MAP4K3: variants seen among roughly 807,000 people sequenced by gnomAD.
MAP4K3 encodes the protein mitogen-activated protein kinase kinase kinase kinase 3.
Under a neutral mutation model 143.5 loss-of-function variants are expected in MAP4K3, and 94 were observed. The observed-to-expected ratio is 0.65, with a 90% CI of 0.55 to 0.78. The LOEUF is 0.78. Ranked by LOEUF, MAP4K3 falls within the 30% of genes least tolerant of loss-of-function variation. The pLI, the probability that MAP4K3 is intolerant of heterozygous loss-of-function variation, is 0.00. For missense variants in MAP4K3, 1,077 were observed against 1,068.1 expected (o/e 1.01, Z -0.12); for synonymous variants, 416 against 347.2 (o/e 1.20, Z -2.20).
intron 12 of MAP4K3, among the ~76,000 whole-genome samples, chr2:39,316,594 TGC>T (rs1683119714): frequency 6.6e-6 from 1 of 152,130 alleles, no homozygotes; most frequent in Non-Finnish European, 1.5e-5. Context: ...AGAAAGGGAT[TGC>T]CACAAGATTT....
chr2:39,318,887 A>G (rs905051304), intron 12 of MAP4K3, among the ~76,000 whole-genome samples: 10 of 152,158 alleles, frequency 6.6e-5, no homozygotes, highest in Admixed American at 6.5e-4. Context: ...AAGGAAAGAC[A>G]TAGACAGTAT....
intron 12 of MAP4K3, among the ~76,000 whole-genome samples, chr2:39,324,048 T>C (rs112858828): frequency 0.037 from 5,629 of 152,268 alleles, 120 homozygotes; most frequent in Non-Finnish European, 0.048. Flanking sequence ...GCCTGTATAC[T>C]AAATAAGACT....
intron 15 of MAP4K3, among the ~76,000 whole-genome samples, chr2:39,304,942 G>T (rs1682646637): frequency 6.6e-6 from 1 of 152,210 alleles, no homozygotes; most frequent in Admixed American, 6.5e-5. Context: ...ATTATGCTAA[G>T]TAGTGAGCCA....
intron 1 of MAP4K3, among the ~76,000 whole-genome samples, chr2:39,427,611 T>C (rs992362573): frequency 1.3e-5 from 2 of 152,170 alleles, no homozygotes; most frequent in Non-Finnish European, 2.9e-5. Context: ...AAAGATCAGT[T>C]AACTTCAGAC....
intron 3 of MAP4K3, among the ~76,000 whole-genome samples, chr2:39,352,045 A>T (rs1198088458): frequency 1.3e-5 from 2 of 152,220 alleles, no homozygotes; most frequent in African/African-American, 4.8e-5. Context: ...TTGTTTAAGG[A>T]GCATTTGTTG....
In MAP4K3 at chr2:39,319,833, T is replaced by C. The variant is rs528988884; in HGVS notation, c.919-4445A>G. On this transcript the variant is annotated intron_variant, in intron 12 of 33. Coordinates refer to ENST00000263881, the MANE Select transcript of MAP4K3 (RefSeq NM_003618.4). ...TTGATTGCATTCATTTTTACATGAA[T>C]CTTAAGGCTAAAGACCATATTTTAC... Among the ~76,000 whole-genome samples, 3 of 152,304 alleles carry C rather than the reference T, an allele frequency of 2.0e-5. No homozygotes were observed. The South Asian group carries it at 6.2e-4, about 32-fold the overall frequency.
At chr2:39,288,375 T>C (rs1681888869) in intron 19 of MAP4K3, 95 bp from the exon 20 acceptor site, 3 of 1,075,376 alleles carry the variant, frequency 2.8e-6, no homozygotes. Context: ...AAATTATTTC[T>C]ACTATACATT....
chr2:39,413,605 G>C (rs1345000568), intron 1 of MAP4K3, among the ~76,000 whole-genome samples: 2 of 152,128 alleles, frequency 1.3e-5, no homozygotes, highest in Non-Finnish European at 2.9e-5. Flanking sequence ...TAAAAAGGTA[G>C]AGGTGCAGAG....
intron 15 of MAP4K3, among the ~76,000 whole-genome samples, chr2:39,302,506 A>G (rs1328536435): frequency 6.6e-6 from 1 of 152,254 alleles, no homozygotes; most frequent in Non-Finnish European, 1.5e-5. Flanking sequence ...GGGCAAAGTT[A>G]GTAGTTCATT....
At chr2:39,301,980 C>T (rs1018288215) in intron 15 of MAP4K3, among the ~76,000 whole-genome samples, 10 of 151,456 alleles carry the variant, frequency 6.6e-5, no homozygotes, top group Non-Finnish European at 1.2e-4. Flanking sequence ...GCCAACATTG[C>T]GCCACTACAC....
intron 20 of MAP4K3, 28 bp from the exon 21 acceptor site, chr2:39,286,992 G>T: frequency 7.0e-7 from 1 of 1,423,624 alleles, no homozygotes. Context: ...CATTGAAAAT[G>T]ATTAATCTTC....
intron 27 of MAP4K3, among the ~76,000 whole-genome samples, chr2:39,265,657 G>C (rs1426369989): frequency 6.6e-6 from 1 of 152,188 alleles, no homozygotes; most frequent in Non-Finnish European, 1.5e-5. Flanking sequence ...TTGGGAAGAA[G>C]TTGTCAGACT....
intron 31 of MAP4K3, among the ~76,000 whole-genome samples, 170 bp from the exon 32 acceptor site, chr2:39,254,690 G>C (rs1317877036): frequency 6.6e-6 from 1 of 151,974 alleles, no homozygotes; most frequent in African/African-American, 2.4e-5. Context: ...ATACTATACA[G>C]AGCTTATGCA....
chr2:39,297,275 G>C (rs1005669505), intron 16 of MAP4K3, among the ~76,000 whole-genome samples: 2 of 151,896 alleles, frequency 1.3e-5, no homozygotes, highest in Non-Finnish European at 2.9e-5. Flanking sequence ...GTGCCACCAT[G>C]TCCAGCTAAT....
Position 39,292,837 on chromosome 2 carries a change from A to C in MAP4K3, c.1218-11T>G. 6.2e-7 allele frequency: 1 copy of C among 1,607,408 alleles called. No individual in the cohort carries two copies. The highest frequency in any genetic ancestry group is 8.5e-7 in the Non-Finnish European group (1 of 1,174,354). ...TGTGCGACGTGTCCTCTAAATAAAA[A>C]GGATAATGTCATTGTTATTAAATGG... On this transcript the variant is annotated splice_polypyrimidine_tract_variant and intron_variant, in intron 17 of 33. Coordinates refer to ENST00000263881, the MANE Select transcript of MAP4K3 (RefSeq NM_003618.4).
chr2:39,424,384 T>C (rs1382070095), intron 1 of MAP4K3, among the ~76,000 whole-genome samples: 1 of 152,178 alleles, frequency 6.6e-6, no homozygotes, highest in African/African-American at 2.4e-5. Context: ...AGTGGATCTC[T>C]GCAATCTAGG....
chr2:39,253,084 G>A (rs1326239568), intron 32 of MAP4K3, among the ~76,000 whole-genome samples: 1 of 152,190 alleles, frequency 6.6e-6, no homozygotes, highest in Non-Finnish European at 1.5e-5. Flanking sequence ...CGTGATTTTA[G>A]AAAGTGTGAG....
intron 1 of MAP4K3, among the ~76,000 whole-genome samples, chr2:39,416,246 A>G (rs1038856562): frequency 6.6e-6 from 1 of 151,908 alleles, no homozygotes; most frequent in African/African-American, 2.4e-5. Flanking sequence ...ACATGAGCTT[A>G]CCAATGAAAC....
chr2:39,283,214 G>A (rs1681615983), intron 21 of MAP4K3, among the ~76,000 whole-genome samples: 1 of 152,014 alleles, frequency 6.6e-6, no homozygotes, highest in Non-Finnish European at 1.5e-5. Context: ...ACATTTTAGT[G>A]CATATTGACT....
Sources: gnomAD v4.1 joint callset for allele counts (sites outside exome capture counted in the v4.1 genomes callset) on GRCh38, gnomAD v4.1.1 for gene constraint, MANE v1.5 for transcripts, NCBI Gene and HGNC (gene_info 2026-07-23, HGNC 2026-07-21) for gene names.